The following ABCB1 variants were observed in gnomAD, a reference collection of about 807,000 sequenced individuals.
The protein encoded by ABCB1 is ATP binding cassette subfamily B member 1.
ABCB1 carries 69 observed loss-of-function variants against 142.0 expected under a neutral mutation model. The observed-to-expected ratio is 0.49, with a 90% CI of 0.40 to 0.59. The LOEUF is 0.59. Ranked by LOEUF, ABCB1 falls within the 20% of genes least tolerant of loss-of-function variation. ABCB1 has a pLI of 0.00. For missense variants in ABCB1, 1,326 were observed against 1,554.7 expected, an observed-to-expected ratio of 0.85 and a Z score of 2.47; for synonymous variants, 532 against 539.2, an observed-to-expected ratio of 0.99 and a Z score of 0.18.
chr7:87,543,980 G>A (rs1363478867), intron 17 of ABCB1, 149 bp downstream of exon 17: 3 of 942,700 alleles, frequency 3.2e-6, no homozygotes, highest in African/African-American at 1.6e-5. Flanking sequence ...AAACCAGACT[G>A]CTATTCTTAC....
At chr7:87,626,045 G>T (rs1323775952) in intron 1 of ABCB1, among the ~76,000 whole-genome samples, 2 of 139,918 alleles carry the variant, frequency 1.4e-5, no homozygotes, top group East Asian at 2.1e-4. Context: ...GAGAGAGAGA[G>T]ATGGAGTCTC....
At chr7:87,696,759 AT>A (rs1828524494) in intron 1 of ABCB1, among the ~76,000 whole-genome samples, 1 of 151,692 alleles carries the variant, frequency 6.6e-6, no homozygotes, top group South Asian at 2.1e-4. Context: ...TTGGTGGTTG[AT>A]TTATGGCCCT....
chr7:87,551,598 C>G (rs1414876852), intron 9 of ABCB1, among the ~76,000 whole-genome samples: 1 of 152,104 alleles, frequency 6.6e-6, no homozygotes, highest in Non-Finnish European at 1.5e-5. Flanking sequence ...TCAGACAACC[C>G]TCTCACCTCA....
In ABCB1 at chr7:87,549,457, A is replaced by T; in HGVS notation, c.1616T>A (p.Ile539Asn). ...AQLSGGQKQR[I>N]AIARALVRNP... ...GCGAACCAGGGCACGTGCAATGGCG[A>T]TCCTCTGCTTCTGCCCACCACTCAA... Residue 539 changes from isoleucine (I) to asparagine (N), a missense_variant, in exon 14 of 28, where the codon ATC becomes AAC. Ile to Asn is a moderately radical substitution (Grantham distance 149). Transcript: ENST00000622132. 1 of 1,614,170 alleles carries T rather than the reference A, an allele frequency of 6.2e-7. No individual in the cohort carries two copies. The highest frequency in any genetic ancestry group is 8.5e-7 in the Non-Finnish European group (1 of 1,180,034).
In ABCB1 at chr7:87,628,588, T is replaced by TGC. The variant is rs1563084239; in HGVS notation, c.-330-27511_-330-27510insGC. 278 of 29,940 alleles carry TGC rather than the reference T, an allele frequency of 9.3e-3. 1 individual carries two copies. The highest frequency in any genetic ancestry group is 0.04 in the East Asian group (36 of 896). 1.9% of individuals were successfully genotyped at this position (29,940 alleles called of 1,614,324 possible). ...GGCGGAGGTGGTGCGTGCGTGCGTG[T>TGC]GTGTGTGTGTGTGTGTGTGTGTGTG... On this transcript the variant is annotated intron_variant, in intron 1 of 28. Transcript: ENST00000265724.
Position 87,574,188 on chromosome 7 carries a change from A to G in ABCB1, c.287-3965T>C, listed in dbSNP as rs146914816. ...GACGGCTTTAGAACAGCTTCCAAGA[A>G]TCTCCTTGGACCTAGAGAGACACGG... On this transcript the variant is annotated intron_variant, in intron 4 of 27. Transcript: ENST00000622132. Among the ~76,000 whole-genome samples, 937 of 152,268 alleles carry G rather than the reference A, an allele frequency of 6.2e-3. 11 individuals carry two copies. Among genetic ancestry groups the G allele is most frequent in the African/African-American group, 0.021 (884 of 41,552 alleles).
At chr7:87,616,013 G>C (rs1374945411) in intron 1 of ABCB1, among the ~76,000 whole-genome samples, 1 of 152,214 alleles carries the variant, frequency 6.6e-6, no homozygotes, top group Non-Finnish European at 1.5e-5. Context: ...ATAGTAAATA[G>C]AAGGTACAAT....
intron 1 of ABCB1, among the ~76,000 whole-genome samples, chr7:87,636,279 T>C (rs1821764412): frequency 6.6e-6 from 1 of 152,158 alleles, no homozygotes; most frequent in South Asian, 2.1e-4. Flanking sequence ...TGTATGTTTG[T>C]TGGGGTGTCA....
chr7:87,669,979 G>A (rs900821429), intron 1 of ABCB1, among the ~76,000 whole-genome samples: 2 of 152,142 alleles, frequency 1.3e-5, no homozygotes, highest in Non-Finnish European at 2.9e-5. Context: ...GAATCTTGCA[G>A]GAGTTCTCTG....
intron 1 of ABCB1, among the ~76,000 whole-genome samples, chr7:87,695,873 G>C (rs1234804932): frequency 6.6e-6 from 1 of 152,040 alleles, no homozygotes; most frequent in Non-Finnish European, 1.5e-5. Context: ...CTCACTTAAA[G>C]AGTATAGAAG....
intron 23 of ABCB1, 105 bp from the exon 24 acceptor site, chr7:87,516,770 T>C: frequency 1.6e-6 from 2 of 1,257,446 alleles, no homozygotes; most frequent in Non-Finnish European, 2.2e-6. Context: ...GGGGTCTTCC[T>C]GTGTTGCCCA....
At chr7:87,539,168 G>T in intron 19 of ABCB1, 100 bp downstream of exon 19, 1 of 1,272,830 alleles carries the variant, frequency 7.9e-7, no homozygotes, top group Non-Finnish European at 1.1e-6. Flanking sequence ...CAATATAGGA[G>T]CTAGGCCTGG....
At chr7:87,645,198 T>G (rs1046954429) in intron 1 of ABCB1, among the ~76,000 whole-genome samples, 1 of 151,340 alleles carries the variant, frequency 6.6e-6, no homozygotes, top group Non-Finnish European at 1.5e-5. Context: ...TTCTCCTACC[T>G]CAGCCTCTTG....
In ABCB1 at chr7:87,527,227, T is replaced by A. The variant is rs139925062; in HGVS notation, c.2685+4067A>T. Among the ~76,000 whole-genome samples the A allele has an allele frequency of 4.1e-4, 63 of 152,294 alleles. 1 individual carries two copies. In the East Asian group the frequency reaches 9.1e-3, roughly 22 times the overall value. ...CAGCTCTGATCCTTAATCTTACTTT[T>A]AATTTGAATTGACTTTGCTTTTCCT... On this transcript the variant is annotated intron_variant, in intron 21 of 27. Coordinates refer to ENST00000622132, the MANE Select transcript of ABCB1 (RefSeq NM_001348946.2).
In ABCB1 at chr7:87,506,124, G is replaced by C. The variant is rs112845413; in HGVS notation, c.3490-81C>G. On this transcript the variant is annotated intron_variant, in intron 26 of 27. Transcript: ENST00000622132. The stretch of plus-strand genomic sequence containing the variant: ...CTTGCTTATAGAAAGTAGGATAGAC[G>C]ATTCTATATACTCCAAAAATTTAGG... The C allele has an allele frequency of 5.9e-5, 83 of 1,400,824 alleles. No homozygotes were observed. In the African/African-American group the frequency reaches 8.0e-4, roughly 13 times the overall value. 86.8% of individuals were successfully genotyped at this position (1,400,824 alleles called of 1,614,324 possible). A position where few individuals can be genotyped will look rare whatever the true frequency, so the allele number is the denominator to read the frequency against.
At chr7:87,561,100 T>C (rs1452065233) in intron 8 of ABCB1, among the ~76,000 whole-genome samples, 163 bp downstream of exon 8, 2 of 152,236 alleles carry the variant, frequency 1.3e-5, no homozygotes, top group Non-Finnish European at 2.9e-5. Context: ...ACAATTAGAA[T>C]TGCAACTTCT....
intron 1 of ABCB1, among the ~76,000 whole-genome samples, chr7:87,649,459 A>G (rs534242531): frequency 6.6e-6 from 1 of 152,300 alleles, no homozygotes; most frequent in Admixed American, 6.5e-5. Flanking sequence ...AGTAAGATAA[A>G]TTGTAATTTT....
chr7:87,510,095 G>A (rs1227700120), intron 25 of ABCB1, among the ~76,000 whole-genome samples: 1 of 152,092 alleles, frequency 6.6e-6, no homozygotes, highest in Non-Finnish European at 1.5e-5. Flanking sequence ...CTGACCTCCA[G>A]AAGTGTAAAG....
chr7:87,531,220 AG>A (rs1816041359), intron 21 of ABCB1, 73 bp downstream of exon 21: 3 of 1,237,800 alleles, frequency 2.4e-6, no homozygotes, highest in Non-Finnish European at 3.6e-6. Context: ...AGTAAGCAGT[AG>A]GGAGTAACAA....
Sources: allele counts gnomAD v4.1 joint callset (sites outside exome capture counted in the v4.1 genomes callset), GRCh38; gene constraint gnomAD v4.1.1; transcripts MANE v1.5; gene names NCBI Gene and HGNC (gene_info 2026-07-23, HGNC 2026-07-21).